Variants in ANTXR2 observed in about 807,000 individuals in gnomAD.
The protein encoded by ANTXR2 is anthrax toxin receptor 2.
Under a neutral mutation model 73.7 loss-of-function variants are expected in ANTXR2, and 44 were observed. That is an observed-to-expected ratio of 0.60 (90% CI 0.47 to 0.77). The LOEUF is 0.77. Ranked by LOEUF, ANTXR2 falls within the 30% of genes least tolerant of loss-of-function variation. The probability of loss-of-function intolerance (pLI) is 0.00; values close to 1 mark genes in which losing one functional copy is unlikely to be tolerated. For missense variants in ANTXR2, 604 were observed against 592.5 expected (o/e 1.02, Z -0.20); for synonymous variants, 217 against 205.9 (o/e 1.05, Z -0.46).
At position 80,033,699 on chromosome 4, in the gene ANTXR2, T is replaced by G. The variant is rs1045443620; in HGVS notation, c.698-129A>C. Reference sequence around the variant, plus strand: ...ATACTATTCAGTTAACTAATAGCAATGAAGACATAGCTCTATATTTCCAAC... The same window carrying G: ...ATACTATTCAGTTAACTAATAGCAAGGAAGACATAGCTCTATATTTCCAAC... On this transcript the variant is annotated intron_variant, in intron 8 of 16. Transcript: ENST00000403729. 6.1e-6 allele frequency: 4 copies of G among 655,454 alleles called. No homozygotes were observed. The East Asian group carries it at 1.2e-4, about 20-fold the overall frequency. 40.6% of individuals were successfully genotyped at this position (655,454 alleles called of 1,614,324 possible). A position where few individuals can be genotyped will look rare whatever the true frequency, so the allele number is the denominator to read the frequency against.
At position 79,915,862 on chromosome 4, in the gene ANTXR2, CTA is replaced by C. The variant is rs1553925226; in HGVS notation, c.1429-8397_1429-8396del. 2.6e-3 allele frequency among the ~76,000 whole-genome samples: 322 copies of C among 123,852 alleles called. 1 individual carries two copies. The highest frequency in any genetic ancestry group is 6.8e-3 in the African/African-American group (223 of 32,908). 81.3% of individuals were successfully genotyped at this position (123,852 alleles called of 152,430 possible). On this transcript the variant is annotated intron_variant, in intron 16 of 16. Coordinates refer to ENST00000403729, the MANE Select transcript of ANTXR2 (RefSeq NM_058172.6). ...TCTCTCTCTCTCTCTCTCTCTCTCT[CTA>C]TATATATATATATACATAAAGAATC...
intron 1 of ANTXR2, among the ~76,000 whole-genome samples, 181 bp downstream of exon 1, chr4:80,072,228 G>A (rs6818557): frequency 1.3e-5 from 2 of 151,954 alleles, no homozygotes; most frequent in African/African-American, 4.8e-5. Context: ...CCCCCGACCC[G>A]GCTGATCTCC....
At position 79,990,648 on chromosome 4, in the gene ANTXR2, G is replaced by A. The variant is rs114239830; in HGVS notation, c.1042-5785C>T. On this transcript the variant is annotated intron_variant, in intron 12 of 16. Coordinates refer to ENST00000403729, the MANE Select transcript of ANTXR2 (RefSeq NM_058172.6). Reference sequence around the variant, plus strand: ...AGAAAACTATTATAAAATTCATATGGAACCAGAAGAGAACCTGAATAGCCA... The same window carrying A: ...AGAAAACTATTATAAAATTCATATGAAACCAGAAGAGAACCTGAATAGCCA... Among the ~76,000 whole-genome samples, 944 of 152,116 alleles carry A rather than the reference G, an allele frequency of 6.2e-3. 11 individuals carry two copies. The highest frequency in any genetic ancestry group is 0.022 in the African/African-American group (908 of 41,488).
At chr4:79,990,395 A>AC (rs1730410987) in intron 12 of ANTXR2, among the ~76,000 whole-genome samples, 2 of 150,648 alleles carry the variant, frequency 1.3e-5, no homozygotes, top group African/African-American at 4.8e-5. Flanking sequence ...AAAAAAAAAA[A>AC]AAAAAAACAC....
At chr4:79,982,387 T>G (rs893817364) in intron 14 of ANTXR2, among the ~76,000 whole-genome samples, 3 of 152,264 alleles carry the variant, frequency 2.0e-5, no homozygotes, top group Non-Finnish European at 4.4e-5. Context: ...TATATAGATC[T>G]TTTTACACAC....
intron 16 of ANTXR2, among the ~76,000 whole-genome samples, chr4:79,910,223 A>G (rs1727069071): frequency 6.6e-6 from 1 of 152,176 alleles, no homozygotes; most frequent in African/African-American, 2.4e-5. Flanking sequence ...AAAAACACAT[A>G]TTGTTGGCCG....
chr4:79,999,566 C>A (rs1578142484), intron 12 of ANTXR2, among the ~76,000 whole-genome samples: 1 of 151,856 alleles, frequency 6.6e-6, no homozygotes, highest in Non-Finnish European at 1.5e-5. Flanking sequence ...AATAATTATT[C>A]TAAATTAAAA....
intron 10 of ANTXR2, among the ~76,000 whole-genome samples, chr4:80,021,971 C>T (rs560568226): frequency 5.3e-5 from 8 of 152,252 alleles, no homozygotes; most frequent in African/African-American, 1.7e-4. Context: ...TTCATCTTCT[C>T]ATTTAATTCT....
intron 3 of ANTXR2, among the ~76,000 whole-genome samples, chr4:80,059,867 G>T (rs1734163201): frequency 6.6e-6 from 1 of 152,062 alleles, no homozygotes; most frequent in African/African-American, 2.4e-5. Context: ...GGTATGCAAG[G>T]CATTATAACT....
intron 11 of ANTXR2, among the ~76,000 whole-genome samples, chr4:80,014,570 A>G (rs1275736790): frequency 6.6e-6 from 1 of 151,626 alleles, no homozygotes; most frequent in Non-Finnish European, 1.5e-5. Flanking sequence ...GTCTCAAAAA[A>G]TATATATATA....
intron 9 of ANTXR2, among the ~76,000 whole-genome samples, chr4:80,032,658 C>T (rs928542392): frequency 6.6e-6 from 1 of 151,750 alleles, no homozygotes; most frequent in Non-Finnish European, 1.5e-5. Context: ...AAAAAAATAA[C>T]TCTACCAGAG....
intron 7 of ANTXR2, among the ~76,000 whole-genome samples, chr4:80,044,443 T>A (rs1387453194): frequency 6.6e-6 from 1 of 151,978 alleles, no homozygotes; most frequent in African/African-American, 2.4e-5. Context: ...CTTCTGGTAT[T>A]TAAAGTAATA....
Position 80,036,021 on chromosome 4 carries a change from C to A in ANTXR2, c.648G>T (p.Gln216His). The change falls in exon 8 of 17, where the codon CAG becomes CAT. Residue 216 changes from glutamine to histidine, a missense_variant. Coordinates refer to ENST00000403729, the MANE Select transcript of ANTXR2 (RefSeq NM_058172.6). ...LKGIINSILA[Q>H]SCTEILELQP... is the part of the protein sequence containing the mutation. Reference sequence around the variant, plus strand: ...GCAATTCTAGGATTTCAGTACATGACTGAGCTAGTATCTAAAAAAGAAAAA... The same window carrying A: ...GCAATTCTAGGATTTCAGTACATGAATGAGCTAGTATCTAAAAAAGAAAAA... The A allele has an allele frequency of 6.6e-7, 1 of 1,519,886 alleles. No homozygotes were observed. The highest frequency in any genetic ancestry group is 2.4e-5 in the Admixed American group (1 of 42,270). 94.1% of individuals were successfully genotyped at this position (1,519,886 alleles called of 1,614,324 possible).
rs908582264 is a variant in ANTXR2 at position 79,927,658 on chromosome 4, G to T, written c.1429-20191C>A. ...TGAATCTGAGAATGTGGAACCCACAGATAAGAAGGACTGTCTGTATGTGTA... is the reference window on the plus strand; with the variant it reads ...TGAATCTGAGAATGTGGAACCCACATATAAGAAGGACTGTCTGTATGTGTA... On this transcript the variant is annotated intron_variant, in intron 16 of 16. Coordinates refer to ENST00000403729, the MANE Select transcript of ANTXR2 (RefSeq NM_058172.6). 5.3e-5 allele frequency among the ~76,000 whole-genome samples: 8 copies of T among 152,172 alleles called. No individual in the cohort carries two copies. In the South Asian group the frequency reaches 8.3e-4, roughly 16 times the overall value.
rs1560435787 is a variant in ANTXR2, at chr4:80,071,565, GT to G, written c.224+17del. On this transcript the variant is annotated intron_variant, in intron 2 of 16. Coordinates refer to ENST00000403729, the MANE Select transcript of ANTXR2 (RefSeq NM_058172.6). ...CTCTACTTCTCCACTGCCTAGAAAA[GT>G]AAAGTAAGAAAGATACCTCACAAAT... The G allele has an allele frequency of 6.3e-7, 1 of 1,598,046 alleles. No individual in the cohort carries two copies. The highest frequency in any genetic ancestry group is 2.2e-5 in the East Asian group (1 of 44,814).
chr4:80,071,442 C>T, intron 2 of ANTXR2, 141 bp downstream of exon 2: 1 of 710,482 alleles, frequency 1.4e-6, no homozygotes, highest in Non-Finnish European at 2.5e-6. Context: ...GTCCTAATAA[C>T]AGCATGTGTG....
At chr4:79,997,175 T>C (rs944346316) in intron 12 of ANTXR2, among the ~76,000 whole-genome samples, 1 of 151,910 alleles carries the variant, frequency 6.6e-6, no homozygotes, top group Non-Finnish European at 1.5e-5. Flanking sequence ...ATGTCAGCAC[T>C]GGAGCCTGCA....
intron 9 of ANTXR2, 56 bp downstream of exon 9, chr4:80,033,416 T>G: frequency 1.5e-6 from 2 of 1,333,826 alleles, no homozygotes; most frequent in Non-Finnish European, 2.1e-6. Context: ...AGAAAACATT[T>G]GATGCTGATG....
At chr4:80,055,048 A>G in intron 6 of ANTXR2, 102 bp downstream of exon 6, 1 of 1,072,272 alleles carries the variant, frequency 9.3e-7, no homozygotes, top group African/African-American at 1.6e-5. Flanking sequence ...ATCTTTAACA[A>G]TCGACCAGTG....
Sources: gnomAD v4.1 joint callset for allele counts (sites outside exome capture counted in the v4.1 genomes callset) on GRCh38, gnomAD v4.1.1 for gene constraint, MANE v1.5 for transcripts, NCBI Gene and HGNC (gene_info 2026-07-23, HGNC 2026-07-21) for gene names.